The following DNAH11 variants were observed in gnomAD, a reference collection of about 807,000 sequenced individuals.
The protein encoded by DNAH11 is axonemal beta dynein heavy chain 11.
Under a neutral mutation model 526.0 loss-of-function variants are expected in DNAH11, and 442 were observed. That is an observed-to-expected ratio of 0.84 (90% CI 0.78 to 0.91). DNAH11 has a LOEUF of 0.91. Ranked by LOEUF, DNAH11 falls within the 40% of genes least tolerant of loss-of-function variation. DNAH11 has a pLI of 0.00. For missense variants in DNAH11, 6,989 were observed against 5,448.7 expected (o/e 1.28, Z -8.90); for synonymous variants, 2,461 against 1,935.9 (o/e 1.27, Z -7.12).
intron 49 of DNAH11, among the ~76,000 whole-genome samples, chr7:21,742,438 G>A (rs1785948426): frequency 6.6e-6 from 1 of 152,148 alleles, no homozygotes; most frequent in African/African-American, 2.4e-5. Context: ...GCAAGAGAGG[G>A]AGTGGAGGCA....
intron 25 of DNAH11, among the ~76,000 whole-genome samples, chr7:21,632,349 T>C (rs1176434452): frequency 1.3e-5 from 2 of 152,212 alleles, no homozygotes; most frequent in African/African-American, 4.8e-5. Context: ...TGGTTACTTT[T>C]GCAAATTTCT....
chr7:21,744,723 A>T (rs1786066687), intron 50 of DNAH11, 124 bp downstream of exon 50: 6 of 1,435,502 alleles, frequency 4.2e-6, no homozygotes, highest in Non-Finnish European at 5.7e-6. Context: ...CTGTGAATCC[A>T]GAATACACTT....
intron 14 of DNAH11, among the ~76,000 whole-genome samples, chr7:21,592,574 C>T (rs756683472): frequency 1.3e-5 from 2 of 152,050 alleles, no homozygotes; most frequent in South Asian, 2.1e-4. Flanking sequence ...CAGAGACTTT[C>T]TGCTCAAAGG....
intron 18 of DNAH11, 47 bp downstream of exon 18, chr7:21,601,665 T>C: frequency 7.2e-7 from 1 of 1,391,270 alleles, no homozygotes; most frequent in Non-Finnish European, 9.6e-7. Context: ...ATTGAGCATC[T>C]CTTTTATTAA....
chr7:21,664,117 T>C (rs1326156401), intron 30 of DNAH11, among the ~76,000 whole-genome samples: 1 of 148,788 alleles, frequency 6.7e-6, no homozygotes, highest in East Asian at 2.0e-4. Context: ...TCAGTTATTA[T>C]ATCTCAATTT....
chr7:21,639,205 A>G (rs749747664), intron 28 of DNAH11, 140 bp downstream of exon 28: 3 of 1,038,026 alleles, frequency 2.9e-6, no homozygotes, highest in Admixed American at 3.0e-5. Context: ...GTAATGTAGC[A>G]TCAGAGGGAT....
chr7:21,873,784 C>CTTTTTTTTTTTTT lies in DNAH11; in HGVS notation c.12195+295_12195+307dup, dbSNP rs57333575. 1.6e-4 allele frequency among the ~76,000 whole-genome samples: 11 copies of CTTTTTTTTTTTTT among 70,714 alleles called. 1 individual carries two copies. Among genetic ancestry groups the CTTTTTTTTTTTTT allele is most frequent in the Non-Finnish European group, 2.1e-4 (9 of 42,778 alleles). 46.4% of individuals were successfully genotyped at this position (70,714 alleles called of 152,430 possible). ...ACTAGGTAACTTCTTGAGGAGGTTG[C>CTTTTTTTTTTTTT]TTTTTTTTTTTTTTTTTTTTTTTTG... On this transcript the variant is annotated intron_variant, in intron 74 of 81. Coordinates refer to ENST00000409508, the MANE Select transcript of DNAH11 (RefSeq NM_001277115.2).
chr7:21,544,471 A>G (rs1349248533), intron 1 of DNAH11, among the ~76,000 whole-genome samples: 1 of 152,242 alleles, frequency 6.6e-6, no homozygotes, highest in Admixed American at 6.5e-5. Context: ...AGACAAGGCG[A>G]TAGAACACAA....
chr7:21,556,387 C>T (rs532788402), intron 2 of DNAH11, among the ~76,000 whole-genome samples: 5 of 152,264 alleles, frequency 3.3e-5, no homozygotes, highest in African/African-American at 1.2e-4. Flanking sequence ...GTACCCAGTA[C>T]GTTAGAAATG....
Position 21,741,952 on chromosome 7 carries a change from A to G in DNAH11, c.7940A>G (p.Asn2647Ser), listed in dbSNP as rs1785918869. 2 of 1,613,796 alleles carry G rather than the reference A, an allele frequency of 1.2e-6. No homozygotes were observed. Among genetic ancestry groups the G allele is most frequent in the Non-Finnish European group, 1.7e-6 (2 of 1,179,824 alleles). ...LQRHFTVFAF[N>S]FPSLDALNTI... ...AGACATTTCACAGTGTTTGCATTCA[A>G]TTTTCCATCTTTGGATGCACTAAAC... Residue 2647 changes from asparagine to serine, a missense_variant, in exon 49 of 82, where the codon AAT becomes AGT. Transcript: ENST00000409508.
At chr7:21,592,526 T>C (rs781623397) in intron 14 of DNAH11, among the ~76,000 whole-genome samples, 4 of 152,124 alleles carry the variant, frequency 2.6e-5, no homozygotes, top group Non-Finnish European at 2.9e-5. Context: ...CAGGCTGTTA[T>C]GAGGACTTTG....
intron 57 of DNAH11, among the ~76,000 whole-genome samples, chr7:21,780,531 A>G (rs7777932): frequency 0.73 from 111,010 of 152,098 alleles, 40,974 homozygotes; most frequent in East Asian, 0.84. Context: ...ATCATAACCT[A>G]TCATCACAGA....
In DNAH11 at chr7:21,571,920, C is replaced by T; in HGVS notation, c.1540C>T (p.Leu514Phe). The change falls in exon 8 of 82, where the codon CTC becomes TTC. Residue 514 changes from leucine (L) to phenylalanine (F), a missense_variant. By Grantham distance (22) the Leu-to-Phe change is conservative (BLOSUM62 0). Coordinates refer to ENST00000409508, the MANE Select transcript of DNAH11 (RefSeq NM_001277115.2). ...CGAGATGAGTGAAGAACTTATGGAACTCTGTAAACTTTTTAAACAGAGCAC... is the reference window on the plus strand; with the variant it reads ...CGAGATGAGTGAAGAACTTATGGAATTCTGTAAACTTTTTAAACAGAGCAC... ...VHEMSEELMELCKLFKQSTYD... is the reference protein window; with the variant it reads ...VHEMSEELMEFCKLFKQSTYD... The T allele has an allele frequency of 1.9e-6, 3 of 1,610,862 alleles. No individual in the cohort carries two copies. The highest frequency in any genetic ancestry group is 2.5e-6 in the Non-Finnish European group (3 of 1,178,716).
At chr7:21,658,204 G>C (rs2177520) in intron 29 of DNAH11, among the ~76,000 whole-genome samples, 106,750 of 151,876 alleles carry the variant, frequency 0.7, 37,545 homozygotes, top group Admixed American at 0.78. Context: ...GTTGTCCTAT[G>C]TCTAATACTC....
At position 21,577,886 on chromosome 7, in the gene DNAH11, A is replaced by T. The variant is rs1177815705; in HGVS notation, c.1594-4019A>T. Among the ~76,000 whole-genome samples the T allele has an allele frequency of 8.5e-5, 13 of 152,222 alleles. No individual in the cohort carries two copies. In the East Asian group the frequency reaches 2.5e-3, roughly 29 times the overall value. Reference sequence around the variant, plus strand: ...CCAAGATAATAGAGATTTTGGAATTACTTGAAAAAGATTTTAAAGTAGTGT... The same window carrying T: ...CCAAGATAATAGAGATTTTGGAATTTCTTGAAAAAGATTTTAAAGTAGTGT... On this transcript the variant is annotated intron_variant, in intron 8 of 81. Coordinates refer to ENST00000409508, the MANE Select transcript of DNAH11 (RefSeq NM_001277115.2).
Position 21,899,331 on chromosome 7 carries a change from A to C in DNAH11, c.13050-5A>C. The C allele has an allele frequency of 6.2e-7, 1 of 1,612,924 alleles. No homozygotes were observed. The highest frequency in any genetic ancestry group is 8.5e-7 in the Non-Finnish European group (1 of 1,178,956). ...AAGTTTTTCTTCCTCCCTCCCATAA[A>C]CCAGGTTCAATGACCTCCTCCTGCG... On this transcript the variant is annotated splice_polypyrimidine_tract_variant and splice_region_variant and intron_variant, in intron 79 of 81. Coordinates refer to ENST00000409508, the MANE Select transcript of DNAH11 (RefSeq NM_001277115.2).
chr7:21,873,063 A>G (rs920860528), intron 73 of DNAH11, among the ~76,000 whole-genome samples: 9 of 150,602 alleles, frequency 6.0e-5, no homozygotes, highest in East Asian at 1.9e-4. Context: ...GGAACATTTA[A>G]TATGTTCAAG....
chr7:21,707,476 A>G (rs1465336667), intron 39 of DNAH11, among the ~76,000 whole-genome samples: 5 of 152,254 alleles, frequency 3.3e-5, no homozygotes, highest in Admixed American at 6.5e-5. Flanking sequence ...AATGGTTCAA[A>G]GAGTCAAGTG....
rs547085234 is a variant in DNAH11, at chr7:21,670,001, T to A, written c.5328+10970T>A. Among the ~76,000 whole-genome samples the A allele has an allele frequency of 5.9e-5, 9 of 152,320 alleles. No homozygotes were observed. The East Asian group carries it at 1.7e-3, about 29-fold the overall frequency. On this transcript the variant is annotated intron_variant, in intron 30 of 81. Transcript: ENST00000409508. Reference sequence around the variant, plus strand: ...CTTTGTTCATTATTTTCCCCAAGATTGTTTTGACTGTTTGAAGTTCTTTTT... The same window carrying A: ...CTTTGTTCATTATTTTCCCCAAGATAGTTTTGACTGTTTGAAGTTCTTTTT...
Sources: gnomAD v4.1 joint callset for allele counts (sites outside exome capture counted in the v4.1 genomes callset) on GRCh38, gnomAD v4.1.1 for gene constraint, MANE v1.5 for transcripts, NCBI Gene and HGNC (gene_info 2026-07-23, HGNC 2026-07-21) for gene names.